CACNA2D3: variants seen among roughly 807,000 people sequenced by gnomAD.
The protein encoded by CACNA2D3 is calcium voltage-gated channel auxiliary subunit alpha2delta 3, also known as voltage-dependent calcium channel subunit alpha-2/delta-3.
Under a neutral mutation model 160.6 loss-of-function variants are expected in CACNA2D3, and 60 were observed. The ratio of observed to expected loss-of-function variants is 0.37; its 90% CI spans 0.30 to 0.46. CACNA2D3 has a LOEUF of 0.46. Among genes scored for constraint, CACNA2D3 ranks in the 20% least tolerant of loss-of-function variants. The pLI is 1.00. For missense variants in CACNA2D3, 1,205 were observed against 1,365.0 expected (o/e 0.88, Z 1.85); for synonymous variants, 558 against 492.9 (o/e 1.13, Z -1.75).
At chr3:54,350,992 T>TTTTTTTTTTTTTTTTTTTTTG (rs1559457861) in intron 3 of CACNA2D3, among the ~76,000 whole-genome samples, 2 of 111,032 alleles carry the variant, frequency 1.8e-5, no homozygotes, top group East Asian at 2.5e-4. Flanking sequence ...GTTTGTTTTT[T>TTTTTTTTTTTTTTTTTTTTTG]TTTTTTTTTT....
intron 30 of CACNA2D3, among the ~76,000 whole-genome samples, chr3:54,986,986 A>T (rs1702628743): frequency 6.6e-6 from 1 of 152,322 alleles, no homozygotes; most frequent in East Asian, 1.9e-4. Context: ...AGCACCAAGA[A>T]GTAGACTTAC....
At chr3:54,540,339 C>T (rs534438786) in intron 5 of CACNA2D3, among the ~76,000 whole-genome samples, 1 of 152,104 alleles carries the variant, frequency 6.6e-6, no homozygotes, top group Non-Finnish European at 1.5e-5. Context: ...TAGTGAACTG[C>T]GAAGCTGCTG....
At chr3:54,943,326 G>A (rs1701525555) in intron 27 of CACNA2D3, among the ~76,000 whole-genome samples, 1 of 152,032 alleles carries the variant, frequency 6.6e-6, no homozygotes, top group East Asian at 1.9e-4. Context: ...CTCTCTTAGT[G>A]TCTCTGTTTC....
At chr3:55,070,353 A>ATAAT (rs1704774929) in intron 35 of CACNA2D3, among the ~76,000 whole-genome samples, 1 of 152,152 alleles carries the variant, frequency 6.6e-6, no homozygotes, top group Non-Finnish European at 1.5e-5. Flanking sequence ...AGGATTATAG[A>ATAAT]TAATTATTTT....
At chr3:54,138,514 T>A (rs1437020723) in intron 2 of CACNA2D3, among the ~76,000 whole-genome samples, 1 of 152,216 alleles carries the variant, frequency 6.6e-6, no homozygotes, top group African/African-American at 2.4e-5. Flanking sequence ...ATCCGGTGTT[T>A]GTTATTGTAC....
chr3:54,970,355 C>T (rs2107071604), intron 29 of CACNA2D3, among the ~76,000 whole-genome samples: 1 of 152,040 alleles, frequency 6.6e-6, no homozygotes, highest in African/African-American at 2.4e-5. Flanking sequence ...TAGCATACTG[C>T]TTCTCTCCTA....
intron 31 of CACNA2D3, among the ~76,000 whole-genome samples, chr3:54,988,372 A>C (rs938305897): frequency 2.0e-5 from 3 of 152,150 alleles, no homozygotes; most frequent in African/African-American, 7.2e-5. Flanking sequence ...TTATGGCCCC[A>C]TGTCCCTCAT....
At chr3:54,298,971 A>AAAG (rs1254333369) in intron 2 of CACNA2D3, among the ~76,000 whole-genome samples, 2 of 78,364 alleles carry the variant, frequency 2.6e-5, no homozygotes, top group African/African-American at 9.1e-5. Flanking sequence ...AAAAAAAAAA[A>AAAG]AAGAAGAAGA....
At chr3:54,980,371 A>T (rs1702481256) in intron 29 of CACNA2D3, among the ~76,000 whole-genome samples, 1 of 152,216 alleles carries the variant, frequency 6.6e-6, no homozygotes, top group Non-Finnish European at 1.5e-5. Context: ...ATGTCCACAC[A>T]CAGAATTTCT....
intron 4 of CACNA2D3, among the ~76,000 whole-genome samples, chr3:54,493,353 A>T (rs1246195492): frequency 6.6e-6 from 1 of 152,170 alleles, no homozygotes; most frequent in Non-Finnish European, 1.5e-5. Flanking sequence ...TTAGGATTTC[A>T]GGCGTGAGCA....
At chr3:54,450,173 C>T (rs1282904908) in intron 4 of CACNA2D3, among the ~76,000 whole-genome samples, 1 of 152,170 alleles carries the variant, frequency 6.6e-6, no homozygotes, top group African/African-American at 2.4e-5. Flanking sequence ...CACAGTGCCA[C>T]AGACTCAGTG....
At chr3:55,008,888 T>TACACACACACACACACACACACACACAC (rs4024588) in intron 33 of CACNA2D3, among the ~76,000 whole-genome samples, 29 of 142,984 alleles carry the variant, frequency 2.0e-4, no homozygotes, top group South Asian at 4.7e-4. Context: ...CCTCCCTCTA[T>TACACACACACACACACACACACACACAC]ACACACACAC....
rs753472408 is a variant in CACNA2D3 at position 54,562,945 on chromosome 3, C to T, written c.676+14C>T. 3 of 1,610,050 alleles carry T rather than the reference C, an allele frequency of 1.9e-6. No homozygotes were observed. In the Admixed American group the frequency reaches 5.0e-5, roughly 27 times the overall value. On this transcript the variant is annotated intron_variant, in intron 6 of 37. Coordinates refer to ENST00000474759, the MANE Select transcript of CACNA2D3 (RefSeq NM_018398.3). The stretch of plus-strand genomic sequence containing the variant: ...GGCAGTATCCGGGTGAGTATACCTG[C>T]ATTGACAGTTATGACTCAGATTAAT...
At chr3:55,052,913 G>T (rs1704262469) in intron 35 of CACNA2D3, among the ~76,000 whole-genome samples, 1 of 151,872 alleles carries the variant, frequency 6.6e-6, no homozygotes, top group Non-Finnish European at 1.5e-5. Flanking sequence ...GACGTAATTG[G>T]GTTTCACCTT....
intron 9 of CACNA2D3, among the ~76,000 whole-genome samples, chr3:54,589,393 G>A (rs569834177): frequency 2.0e-5 from 3 of 151,748 alleles, no homozygotes; most frequent in Non-Finnish European, 4.4e-5. Context: ...TAACTCAAAC[G>A]GATCAAAGAC....
chr3:55,008,925 A>ACACAGG (rs71096458), intron 33 of CACNA2D3, among the ~76,000 whole-genome samples: 4 of 149,258 alleles, frequency 2.7e-5, no homozygotes, highest in African/African-American at 1.0e-4. Flanking sequence ...ACACACACAC[A>ACACAGG]GGGGGCTTAA....
chr3:54,581,846 C>T lies in CACNA2D3; in HGVS notation c.932C>T (p.Thr311Ile). 1 of 1,613,806 alleles carries T rather than the reference C, an allele frequency of 6.2e-7. No homozygotes were observed. Among genetic ancestry groups the T allele is most frequent in the South Asian group, 1.1e-5 (1 of 91,034 alleles). ...TATGTGGAACCTTGCCTGAATGGAACTTTGGTGCAAGCCGACAGGACAAAC... is the reference window on the plus strand; with the variant it reads ...TATGTGGAACCTTGCCTGAATGGAATTTTGGTGCAAGCCGACAGGACAAAC... ...LHYVEPCLNG[T>I]LVQADRTNKE... Residue 311 changes from threonine to isoleucine, a missense_variant, in exon 9 of 38, where the codon ACT becomes ATT. Around this residue, in one of 3 missense-constraint regions of CACNA2D3, gnomAD observed 911 missense variants for 1,002.2 expected, o/e 0.91. Coordinates refer to ENST00000474759, the MANE Select transcript of CACNA2D3 (RefSeq NM_018398.3).
At chr3:54,952,578 G>A (rs1701785516) in intron 27 of CACNA2D3, among the ~76,000 whole-genome samples, 1 of 152,176 alleles carries the variant, frequency 6.6e-6, no homozygotes, top group Admixed American at 6.5e-5. Flanking sequence ...GTCATTAAAT[G>A]CATATTTTTT....
In CACNA2D3 at chr3:54,794,605, A is replaced by ATT. The variant is rs199707593; in HGVS notation, c.1381-22235_1381-22234dup. Among the ~76,000 whole-genome samples, 706 of 140,848 alleles carry ATT rather than the reference A, an allele frequency of 5.0e-3. 11 individuals carry two copies. The highest frequency in any genetic ancestry group is 0.016 in the African/African-American group (623 of 38,496). The allele number at this position is 140,848 out of a possible 152,430, so 92.4% of individuals were successfully genotyped here. A position where few individuals can be genotyped will look rare whatever the true frequency, so the allele number is the denominator to read the frequency against. ...GCTGGCAGTGAGTTCTCTCAGATAT[A>ATT]TTTTTTTTTTTTTTGGTATGAAAGC... On this transcript the variant is annotated intron_variant, in intron 13 of 37. Coordinates refer to ENST00000474759, the MANE Select transcript of CACNA2D3 (RefSeq NM_018398.3).
Sources: allele counts gnomAD v4.1 joint callset (sites outside exome capture counted in the v4.1 genomes callset), GRCh38; gene constraint gnomAD v4.1.1; regional missense constraint gnomAD v4.1.1; transcripts MANE v1.5; gene names NCBI Gene and HGNC (gene_info 2026-07-23, HGNC 2026-07-21).